LPCAT1: variants seen among roughly 807,000 people sequenced by gnomAD.
The protein encoded by LPCAT1 is 1-acylglycerol-3-phosphate O-acyltransferase.
In LPCAT1, 23 loss-of-function variants were observed where a neutral mutation model predicts 60.9. The observed-to-expected ratio is 0.38, with a 90% CI of 0.27 to 0.53. The LOEUF is 0.53. Among genes scored for constraint, LPCAT1 ranks in the 20% least tolerant of loss-of-function variants. The pLI is 0.82. For synonymous variants in LPCAT1, 340 were observed against 301.1 expected, an observed-to-expected ratio of 1.13 and a Z score of -1.34; for missense variants, 622 against 723.6, an observed-to-expected ratio of 0.86 and a Z score of 1.61.
intron 1 of LPCAT1, among the ~76,000 whole-genome samples, chr5:1,507,440 C>T (rs897474551): frequency 3.3e-5 from 5 of 152,252 alleles, no homozygotes; most frequent in Non-Finnish European, 7.3e-5. Context: ...TAAACCAAGG[C>T]GTCCAGGCAG....
intron 5 of LPCAT1, among the ~76,000 whole-genome samples, chr5:1,484,338 ACT>A (rs1735290158): frequency 6.6e-6 from 1 of 152,086 alleles, no homozygotes; most frequent in Admixed American, 6.6e-5. Flanking sequence ...GGCACCATGG[ACT>A]CTGTGGATGA....
rs143827555 is a variant in LPCAT1 at position 1,479,824 on chromosome 5, C to T, written c.762-149G>A. On this transcript the variant is annotated intron_variant, in intron 7 of 13. Transcript: ENST00000283415. Reference sequence around the variant, plus strand: ...TCCCACGGAGGGGGTGCCGTGCCCACCCAGCCCGAGCCCCAGTGTGACGTA... The same window carrying T: ...TCCCACGGAGGGGGTGCCGTGCCCATCCAGCCCGAGCCCCAGTGTGACGTA... 4.5e-4 allele frequency: 295 copies of T among 656,384 alleles called. 3 individuals carry two copies. The African/African-American group carries it at 4.6e-3, about 10-fold the overall frequency. The allele number at this position is 656,384 out of a possible 1,614,324, so 40.7% of individuals were successfully genotyped here.
Position 1,522,498 on chromosome 5 carries a change from CTG to C in LPCAT1, c.135+1210_135+1211del, listed in dbSNP as rs1251659519. 6.6e-6 allele frequency among the ~76,000 whole-genome samples: 1 copy of C among 152,154 alleles called. No individual in the cohort carries two copies. Among genetic ancestry groups the C allele is most frequent in the Non-Finnish European group, 1.5e-5 (1 of 68,020 alleles). The stretch of plus-strand genomic sequence containing the variant: ...GAGCCAGGCTGGGGACGACCTCACC[CTG>C]TGTGTCACCAGGAGGGGCGGCACCA... On this transcript the variant is annotated intron_variant, in intron 1 of 13. Coordinates refer to ENST00000283415, the MANE Select transcript of LPCAT1 (RefSeq NM_024830.5). This position sits in a 1 kb window ranked among gnomAD's most constrained non-coding sequence, Gnocchi z 6.8.
In LPCAT1 at chr5:1,462,666, CCAGCAGGGA is replaced by C. The variant is rs1482676592; in HGVS notation, c.*976_*984del. 1 of 152,294 alleles carries C rather than the reference CCAGCAGGGA, an allele frequency of 6.6e-6. No individual in the cohort carries two copies. The highest frequency in any genetic ancestry group is 1.5e-5 in the Non-Finnish European group (1 of 68,068). The allele number at this position is 152,294 out of a possible 1,614,324, so 9.4% of individuals were successfully genotyped here. On this transcript the variant is annotated 3_prime_UTR_variant, in exon 14 of 14. Transcript: ENST00000283415. ...GGCTGACAGGAAGATGCAGCCGCTT[CCAGCAGGGA>C]CCTGGCCTGAGGGCAAGGGAGGAGC... is the stretch of plus-strand genomic sequence containing the variant.
Position 1,483,892 on chromosome 5 carries a change from G to A in LPCAT1, c.668-406C>T, listed in dbSNP as rs182729796. 6.6e-6 allele frequency among the ~76,000 whole-genome samples: 1 copy of A among 150,376 alleles called. No individual in the cohort carries two copies. The highest frequency in any genetic ancestry group is 2.5e-5 in the African/African-American group (1 of 40,666). On this transcript the variant is annotated intron_variant, in intron 5 of 13. Coordinates refer to ENST00000283415, the MANE Select transcript of LPCAT1 (RefSeq NM_024830.5). This position sits in a 1 kb window ranked among gnomAD's most constrained non-coding sequence, Gnocchi z 9.2. ...CACTTGCTATTATAACATTGCGCAC[G>A]AGCTGGAAGACATCCGTGGAGGGAC...
chr5:1,512,173 T>C (rs564404244), intron 1 of LPCAT1, among the ~76,000 whole-genome samples: 2 of 152,278 alleles, frequency 1.3e-5, no homozygotes, highest in East Asian at 3.9e-4. Flanking sequence ...GGCACAGTAG[T>C]CTGAGCTCCT....
chr5:1,482,289 C>G (rs183981722), intron 6 of LPCAT1, among the ~76,000 whole-genome samples: 1 of 150,450 alleles, frequency 6.6e-6, no homozygotes, highest in Non-Finnish European at 1.5e-5. Flanking sequence ...GAGGCAAGGT[C>G]GCCTAAGTGG....
chr5:1,487,087 G>A lies in LPCAT1; in HGVS notation c.667+1304C>T, dbSNP rs1238212091. 1.3e-5 allele frequency among the ~76,000 whole-genome samples: 2 copies of A among 152,322 alleles called. No individual in the cohort carries two copies. Among genetic ancestry groups the A allele is most frequent in the East Asian group, 3.9e-4 (2 of 5,178 alleles). ...CCCAGGGGCCTCCCTGCAGGCACGA[G>A]GCTCCACTCCCGAGGAACACCTGCC... is the stretch of plus-strand genomic sequence containing the variant. On this transcript the variant is annotated intron_variant, in intron 5 of 13. Coordinates refer to ENST00000283415, the MANE Select transcript of LPCAT1 (RefSeq NM_024830.5). The surrounding 1 kb of genome is among the most constrained non-coding windows in gnomAD (Gnocchi z 6.1).
At chr5:1,499,034 C>T (rs1411631649) in intron 2 of LPCAT1, among the ~76,000 whole-genome samples, 1 of 152,240 alleles carries the variant, frequency 6.6e-6, no homozygotes, top group African/African-American at 2.4e-5. Flanking sequence ...ACAGAAACCC[C>T]AACGTGTCAC....
rs2126632642 is a variant in LPCAT1, at chr5:1,523,156, GC to G, written c.135+553del. Among the ~76,000 whole-genome samples, 1 of 152,308 alleles carries G rather than the reference GC, an allele frequency of 6.6e-6. No homozygotes were observed. The highest frequency in any genetic ancestry group is 1.9e-4 in the East Asian group (1 of 5,176). On this transcript the variant is annotated intron_variant, in intron 1 of 13. Coordinates refer to ENST00000283415, the MANE Select transcript of LPCAT1 (RefSeq NM_024830.5). The surrounding 1 kb of genome is among the most constrained non-coding windows in gnomAD (Gnocchi z 7.1). ...ACCCTACAGGGGACCCGCACCGCCC[GC>G]GCGCCCTGTCCCGGGCACCACCAGG...
At chr5:1,500,832 C>A (rs1274156217) in intron 2 of LPCAT1, among the ~76,000 whole-genome samples, 1 of 152,252 alleles carries the variant, frequency 6.6e-6, no homozygotes, top group Non-Finnish European at 1.5e-5. Context: ...AGCAGCCGTT[C>A]CCCTCATTGC....
chr5:1,500,055 C>A (rs11741437), intron 2 of LPCAT1, among the ~76,000 whole-genome samples: 1 of 152,234 alleles, frequency 6.6e-6, no homozygotes, highest in Non-Finnish European at 1.5e-5. Flanking sequence ...CGGTTCCCCA[C>A]CAATGCAGCC....
At chr5:1,505,816 G>A (rs765808114) in intron 1 of LPCAT1, among the ~76,000 whole-genome samples, 1 of 152,182 alleles carries the variant, frequency 6.6e-6, no homozygotes, top group Non-Finnish European at 1.5e-5. Flanking sequence ...CTGCTGCTTC[G>A]TGCACGGGGA....
At chr5:1,464,941 GCA>G (rs1255195146) in intron 13 of LPCAT1, among the ~76,000 whole-genome samples, 5 of 147,542 alleles carry the variant, frequency 3.4e-5, no homozygotes, top group African/African-American at 7.6e-5. Flanking sequence ...ACAAGCACAT[GCA>G]CACACATGGT....
At position 1,463,817 on chromosome 5, in the gene LPCAT1, G is replaced by A. The variant is rs144081179; in HGVS notation, c.1439C>T (p.Ala480Val). The A allele has an allele frequency of 3.7e-6, 6 of 1,614,172 alleles. No individual in the cohort carries two copies. Among genetic ancestry groups the A allele is most frequent in the South Asian group, 1.1e-5 (1 of 91,080 alleles). ...KITFADFHRF[A>V]EMYPAFAEEY... is the part of the protein sequence containing the mutation. ...CTCTGCGAAGGCAGGGTACATTTCT[G>A]CAAACCTGTGGAAGTCAGCTGGAAA... The change falls in exon 14 of 14, where the codon GCA (alanine) becomes GTA (valine). Residue 480 changes from alanine to valine, a missense_variant. Physicochemically the swap from Ala to Val is moderately conservative, Grantham distance 64. Transcript: ENST00000283415.
rs1304558610 is a variant in LPCAT1, at chr5:1,483,260, C to T, written c.726+168G>A. On this transcript the variant is annotated intron_variant, in intron 6 of 13. Transcript: ENST00000283415. This position sits in a 1 kb window ranked among gnomAD's most constrained non-coding sequence, Gnocchi z 9.2. ...TGCCGAGCCCAGGGCCCGGGCCTGTCCTGCCCTCTCCAGCGCTGAGGCCGG... is the reference window on the plus strand; with the variant it reads ...TGCCGAGCCCAGGGCCCGGGCCTGTTCTGCCCTCTCCAGCGCTGAGGCCGG... Among the ~76,000 whole-genome samples the T allele has an allele frequency of 6.6e-6, 1 of 152,166 alleles. No homozygotes were observed. The highest frequency in any genetic ancestry group is 1.5e-5 in the Non-Finnish European group (1 of 68,018).
At chr5:1,478,698 T>G (rs1374484493) in intron 8 of LPCAT1, among the ~76,000 whole-genome samples, 1 of 152,290 alleles carries the variant, frequency 6.6e-6, no homozygotes, top group Non-Finnish European at 1.5e-5. Context: ...AAAGCCGGGC[T>G]TATCAGTATA....
At chr5:1,469,074 G>C in intron 12 of LPCAT1, among the ~76,000 whole-genome samples, 1 of 152,238 alleles carries the variant, frequency 6.6e-6, no homozygotes, top group East Asian at 1.9e-4. Context: ...GGCATATGCC[G>C]TCAGGGCGGA....
At position 1,477,103 on chromosome 5, in the gene LPCAT1, G is replaced by A. The variant is rs769302718; in HGVS notation, c.899+301C>T. Among the ~76,000 whole-genome samples, 9 of 152,220 alleles carry A rather than the reference G, an allele frequency of 5.9e-5. No individual in the cohort carries two copies. The highest frequency in any genetic ancestry group is 1.9e-4 in the East Asian group (1 of 5,188). ...AGATGTGAAGTTGGCCCAGGCCAGC[G>A]CCCCGCTGGCTCATTTAGGGCACAG... is the stretch of plus-strand genomic sequence containing the variant. On this transcript the variant is annotated intron_variant, in intron 9 of 13. Transcript: ENST00000283415. This position sits in a 1 kb window ranked among gnomAD's most constrained non-coding sequence, Gnocchi z 6.0.
Sources: allele counts gnomAD v4.1 joint callset (sites outside exome capture counted in the v4.1 genomes callset), GRCh38; gene constraint gnomAD v4.1.1; non-coding constraint Gnocchi (gnomAD v3.1); transcripts MANE v1.5; gene names NCBI Gene and HGNC (gene_info 2026-07-23, HGNC 2026-07-21).